PRDM15: variants seen among roughly 807,000 people sequenced by gnomAD.
The protein encoded by PRDM15 is PR/SET domain 15, also known as PR domain zinc finger protein 15.
A neutral mutation model predicts 128.6 loss-of-function variants in PRDM15; 64 were observed. The ratio of observed to expected loss-of-function variants is 0.50; its 90% confidence interval spans 0.41 to 0.61. The LOEUF (loss-of-function observed/expected upper bound fraction) is 0.61. Among genes scored for constraint, PRDM15 ranks in the 20% least tolerant of loss-of-function variants. The pLI is 0.00. For synonymous variants in PRDM15, 615 were observed against 621.8 expected, an observed-to-expected ratio of 0.99 and a Z score of 0.16; for missense variants, 1,242 against 1,569.1, an observed-to-expected ratio of 0.79 and a Z score of 3.52.
intron 11 of PRDM15, chr21:41,834,468 C>T (rs1272158421): frequency 1.3e-6 from 2 of 1,528,664 alleles, no homozygotes; most frequent in East Asian, 2.5e-5. Context: ...AGACACAGAG[C>T]AGGCGGACAA....
intron 1 of PRDM15, chr21:41,861,640 T>G: frequency 6.2e-7 from 1 of 1,614,064 alleles, no homozygotes; most frequent in Non-Finnish European, 8.5e-7. Context: ...CTGGCACTTC[T>G]TGAATGCTGA....
chr21:41,807,721 G>T (rs1426317212), intron 21 of PRDM15, among the ~76,000 whole-genome samples: 2 of 152,186 alleles, frequency 1.3e-5, no homozygotes, highest in Non-Finnish European at 2.9e-5. Flanking sequence ...TTAATGTAGA[G>T]GGAAACAACT....
chr21:41,810,289 G>A lies in PRDM15; in HGVS notation c.2517C>T (p.Tyr839=), dbSNP rs199764527. 5 of 1,613,400 alleles carry A rather than the reference G, an allele frequency of 3.1e-6. No homozygotes were observed. The highest frequency in any genetic ancestry group is 2.2e-5 in the South Asian group (2 of 90,970). ...QWTCSVCDKK[Y]VTEYMLQKHV... ...GCTTCTGCAGCATGTACTCGGTCAC[G>A]TACTTCTTGTCGCACACGGAGCACG... The change falls in exon 21 of 24, where the codon TAC becomes TAT. Residue 839 remains tyrosine, a synonymous_variant. Coordinates refer to ENST00000398548, the MANE Select transcript of PRDM15 (RefSeq NM_001040424.3). The surrounding 1 kb of genome is among the most constrained non-coding windows in gnomAD (Gnocchi z 6.4).
intron 5 of PRDM15, among the ~76,000 whole-genome samples, chr21:41,851,116 G>A (rs1205193978): frequency 1.2e-5 from 1 of 80,596 alleles, no homozygotes; most frequent in African/African-American, 5.2e-5. Context: ...CTGGGCCAGA[G>A]GTACAACAAT....
In PRDM15 at chr21:41,828,345, GCAAA is replaced by G. The variant is rs776981900; in HGVS notation, c.1367-16_1367-13del. The stretch of plus-strand genomic sequence containing the variant: ...GAACGTCTTGTCATCTGTCCAGAGA[GCAAA>G]CAAACACACAACGATTTTGAGGTAA... On this transcript the variant is annotated splice_polypyrimidine_tract_variant and intron_variant, in intron 11 of 23. Coordinates refer to ENST00000398548, the MANE Select transcript of PRDM15 (RefSeq NM_001040424.3). This position sits in a 1 kb window ranked among gnomAD's most constrained non-coding sequence, Gnocchi z 5.7. 20 of 1,613,442 alleles carry G rather than the reference GCAAA, an allele frequency of 1.2e-5. No individual in the cohort carries two copies. Among genetic ancestry groups the G allele is most frequent in the East Asian group, 2.2e-5 (1 of 44,862 alleles).
At chr21:41,825,014 G>A (rs1824713031) in intron 13 of PRDM15, among the ~76,000 whole-genome samples, 1 of 152,178 alleles carries the variant, frequency 6.6e-6, no homozygotes, top group South Asian at 2.1e-4. Context: ...GTGTGGCTGG[G>A]GCACCCTCCC....
At position 41,804,533 on chromosome 21, in the gene PRDM15, C is replaced by A; in HGVS notation, c.2733+1G>T. On this transcript the variant is annotated splice_donor_variant, in intron 22 of 23. Coordinates refer to ENST00000398548, the MANE Select transcript of PRDM15 (RefSeq NM_001040424.3). LOFTEE classifies it high-confidence loss of function. The stretch of plus-strand genomic sequence containing the variant: ...AGCCCCTGGGGCCCCATGCTGCTCA[C>A]CTGGACGATGCCAATGGAGGAGGCG... 1 of 1,563,328 alleles carries A rather than the reference C, an allele frequency of 6.4e-7. No homozygotes were observed. The highest frequency in any genetic ancestry group is 8.7e-7 in the Non-Finnish European group (1 of 1,153,196).
intron 11 of PRDM15, among the ~76,000 whole-genome samples, chr21:41,833,503 C>A (rs767932060): frequency 6.6e-6 from 1 of 152,184 alleles, no homozygotes; most frequent in Non-Finnish European, 1.5e-5. Flanking sequence ...GGTACAAATT[C>A]TTGGTTTAAT....
intron 6 of PRDM15, among the ~76,000 whole-genome samples, chr21:41,845,375 C>A (rs978949630): frequency 6.1e-5 from 9 of 148,654 alleles, no homozygotes; most frequent in Admixed American, 6.0e-4. Context: ...TGGGGCTGCT[C>A]CTCAGTCTCC....
At chr21:41,820,941 G>T in intron 16 of PRDM15, 126 bp downstream of exon 16, 1 of 1,250,134 alleles carries the variant, frequency 8.0e-7, no homozygotes. Flanking sequence ...CCCAGCTCTG[G>T]CCCTGAGACC....
In PRDM15 at chr21:41,822,029, C is replaced by T. The variant is rs764635760; in HGVS notation, c.1770G>A (p.Ala590=). 71 of 1,613,958 alleles carry T rather than the reference C, an allele frequency of 4.4e-5. No individual in the cohort carries two copies. Among genetic ancestry groups the T allele is most frequent in the East Asian group, 8.9e-5 (4 of 44,904 alleles). The stretch of plus-strand genomic sequence containing the variant: ...CTTCCCTCTGGTGGTCATCCATCAA[C>T]GCGATGTCCTGGAAAACAGCCACCA... ...DHIHVHFKDI[A]LMDDHQREEF... The change falls in exon 15 of 24, where the codon GCG becomes GCA. Residue 590 remains alanine (A), a synonymous_variant. Transcript: ENST00000398548.
intron 9 of PRDM15, 92 bp from the exon 10 acceptor site, chr21:41,836,299 C>A: frequency 7.5e-7 from 1 of 1,341,948 alleles, no homozygotes; most frequent in Non-Finnish European, 1.0e-6. Context: ...CAAGCCGCCT[C>A]GCTCCCACCA....
chr21:41,868,694 C>CTTTTTTTTTTTTTTTT lies in PRDM15; in HGVS notation c.-9-8338_-9-8323dup, dbSNP rs55653735. ...TTTGCCCATTTTCCTTTTTCTTTTTCTTTTTTTTTTTTTTTTGAGATGGAG... is the reference window on the plus strand; with the variant it reads ...TTTGCCCATTTTCCTTTTTCTTTTTCTTTTTTTTTTTTTTTTTTTTTTTTTTTTTTTTGAGATGGAG... On this transcript the variant is annotated intron_variant, in intron 1 of 23. Coordinates refer to ENST00000398548, the MANE Select transcript of PRDM15 (RefSeq NM_001040424.3). Among the ~76,000 whole-genome samples, 21 of 125,164 alleles carry CTTTTTTTTTTTTTTTT rather than the reference C, an allele frequency of 1.7e-4. 1 individual carries two copies. The highest frequency in any genetic ancestry group is 2.6e-4 in the South Asian group (1 of 3,868). The allele number at this position is 125,164 out of a possible 152,430, so 82.1% of individuals were successfully genotyped here. A position where few individuals can be genotyped will look rare whatever the true frequency, so the allele number is the denominator to read the frequency against.
intron 1 of PRDM15, among the ~76,000 whole-genome samples, chr21:41,878,084 T>C (rs1304034175): frequency 2.0e-5 from 3 of 152,274 alleles, no homozygotes; most frequent in African/African-American, 2.4e-5. Context: ...GTTGACATCA[T>C]TGCATTCTCC....
chr21:41,865,112 C>CCGTGCCTGCT (rs2063958702), intron 1 of PRDM15, among the ~76,000 whole-genome samples: 2 of 141,180 alleles, frequency 1.4e-5, no homozygotes, highest in African/African-American at 5.2e-5. Context: ...GCCCTCTCTG[C>CCGTGCCTGCT]CATGCCTGCT....
intron 1 of PRDM15, chr21:41,861,543 C>CG (rs751970392): frequency 6.4e-7 from 1 of 1,572,512 alleles, no homozygotes; most frequent in East Asian, 2.3e-5. Context: ...TGCCCCCCCC[C>CG]AATCCCCAAC....
chr21:41,801,229 C>G lies in PRDM15; in HGVS notation c.*11G>C, dbSNP rs758765575. ...TCTGCAGTTCTTGCCCCGAGTCTCC[C>G]GGAACGCAGCTCAGTAGCTGTACAT... On this transcript the variant is annotated 3_prime_UTR_variant, in exon 24 of 24. Coordinates refer to ENST00000398548, the MANE Select transcript of PRDM15 (RefSeq NM_001040424.3). 2.6e-6 allele frequency: 4 copies of G among 1,511,948 alleles called. No homozygotes were observed. The highest frequency in any genetic ancestry group is 2.3e-5 in the East Asian group (1 of 44,042). 93.7% of individuals were successfully genotyped at this position (1,511,948 alleles called of 1,614,324 possible).
chr21:41,840,744 C>T (rs1393782444), intron 6 of PRDM15, among the ~76,000 whole-genome samples: 1 of 150,330 alleles, frequency 6.7e-6, no homozygotes, highest in Admixed American at 6.6e-5. Context: ...GAGGAGAAAA[C>T]TGGGGGAAAA....
rs1259401963 is a variant in PRDM15 at position 41,815,345 on chromosome 21, CA to C, written c.2392+359del. Among the ~76,000 whole-genome samples the C allele has an allele frequency of 3.9e-5, 6 of 152,356 alleles. No homozygotes were observed. The East Asian group carries it at 7.7e-4, about 20-fold the overall frequency. On this transcript the variant is annotated intron_variant, in intron 19 of 23. Coordinates refer to ENST00000398548, the MANE Select transcript of PRDM15 (RefSeq NM_001040424.3). ...TGACCTTCCAGCGCCTTCCCTAACT[CA>C]AAAGATGACAAGCAACCTTGCATGC...
Sources: allele counts gnomAD v4.1 joint callset (sites outside exome capture counted in the v4.1 genomes callset), GRCh38; gene constraint gnomAD v4.1.1; non-coding constraint Gnocchi (gnomAD v3.1); transcripts MANE v1.5; gene names NCBI Gene and HGNC (gene_info 2026-07-23, HGNC 2026-07-21).